The following CRIM1 variants were observed in gnomAD, a reference collection of about 807,000 sequenced individuals.
The protein encoded by CRIM1 is cysteine-rich motor neuron 1 protein.
In CRIM1, 32 loss-of-function variants were observed where a neutral mutation model predicts 116.4. The ratio of observed to expected loss-of-function variants is 0.27; its 90% CI spans 0.21 to 0.37. The LOEUF is 0.37. CRIM1 is among the 10% of genes least tolerant of loss of function. The pLI is 1.00. For synonymous variants in CRIM1, 590 were observed against 509.2 expected (o/e 1.16, Z -2.13); for missense variants, 1,331 against 1,354.8 (o/e 0.98, Z 0.28).
At chr2:36,391,666 C>G (rs1671614708) in intron 1 of CRIM1, among the ~76,000 whole-genome samples, 1 of 152,134 alleles carries the variant, frequency 6.6e-6, no homozygotes, top group Non-Finnish European at 1.5e-5. Flanking sequence ...CAGCAGTTCT[C>G]AAAGTGTGGG....
rs749782754 is a variant in CRIM1, at chr2:36,513,695, G to T, written c.1920G>T (p.Leu640=). Residue 640 remains leucine (L), a synonymous_variant, in exon 11 of 17, where the codon CTG becomes CTT. Coordinates refer to ENST00000280527, the MANE Select transcript of CRIM1 (RefSeq NM_016441.3). ...TCAATGGACGGGAAATGTGTGCCCT[G>T]ATCACCTGCCCGGTGCCTGCCTGTG... ...YCLNGREMCA[L]ITCPVPACGN... 7.7e-5 allele frequency: 124 copies of T among 1,614,108 alleles called. No homozygotes were observed. The highest frequency in any genetic ancestry group is 1.0e-4 in the Non-Finnish European group (119 of 1,180,050).
At chr2:36,432,144 T>G (rs1674942670) in intron 2 of CRIM1, among the ~76,000 whole-genome samples, 1 of 152,238 alleles carries the variant, frequency 6.6e-6, no homozygotes, top group African/African-American at 2.4e-5. Flanking sequence ...TGTCCCATTC[T>G]CTAATAATTT....
intron 7 of CRIM1, among the ~76,000 whole-genome samples, chr2:36,485,816 G>A (rs1211200592): frequency 6.6e-6 from 1 of 152,156 alleles, no homozygotes; most frequent in East Asian, 1.9e-4. Context: ...GCTATTATTA[G>A]TAAGCCAAGA....
intron 14 of CRIM1, among the ~76,000 whole-genome samples, chr2:36,539,275 G>C (rs1295030182): frequency 6.6e-6 from 1 of 152,184 alleles, no homozygotes; most frequent in Admixed American, 6.5e-5. Flanking sequence ...GAACCTCTGG[G>C]TATAGCCAGC....
chr2:36,473,751 A>G (rs945871992), intron 5 of CRIM1, among the ~76,000 whole-genome samples: 1 of 152,094 alleles, frequency 6.6e-6, no homozygotes, highest in Non-Finnish European at 1.5e-5. Flanking sequence ...TAGATATACT[A>G]CTTTTTGTTT....
chr2:36,474,924 T>C (rs754904322), intron 5 of CRIM1, among the ~76,000 whole-genome samples: 56 of 151,744 alleles, frequency 3.7e-4, no homozygotes, highest in Non-Finnish European at 6.6e-4. Flanking sequence ...AATGTGATAG[T>C]TTATTCCTGA....
intron 5 of CRIM1, among the ~76,000 whole-genome samples, chr2:36,473,518 AT>A (rs1002904866): frequency 1.3e-5 from 2 of 152,042 alleles, no homozygotes; most frequent in African/African-American, 4.8e-5. Flanking sequence ...GTCACTGCCC[AT>A]TTTCCCCCTA....
At chr2:36,400,894 C>T (rs1233585880) in intron 2 of CRIM1, among the ~76,000 whole-genome samples, 1 of 152,048 alleles carries the variant, frequency 6.6e-6, no homozygotes, top group East Asian at 1.9e-4. Context: ...GAATCTCTTA[C>T]AGGAAGGTGA....
intron 8 of CRIM1, among the ~76,000 whole-genome samples, chr2:36,506,865 T>C (rs1459074694): frequency 6.7e-6 from 1 of 149,478 alleles, no homozygotes; most frequent in Non-Finnish European, 1.5e-5. Flanking sequence ...TATTTATTTA[T>C]TTTTTTTTTA....
chr2:36,479,358 G>A, intron 6 of CRIM1, 139 bp from the exon 7 acceptor site: 1 of 765,196 alleles, frequency 1.3e-6, no homozygotes, highest in Non-Finnish European at 2.1e-6. Context: ...GACTCCTCAT[G>A]CAACCCTGCG....
At chr2:36,498,342 G>A (rs1358366121) in intron 7 of CRIM1, among the ~76,000 whole-genome samples, 1 of 152,130 alleles carries the variant, frequency 6.6e-6, no homozygotes, top group Admixed American at 6.5e-5. Context: ...AACTAATGCT[G>A]TAACCATGGG....
chr2:36,486,060 T>C (rs1465231413), intron 7 of CRIM1, among the ~76,000 whole-genome samples: 1 of 152,222 alleles, frequency 6.6e-6, no homozygotes, highest in Non-Finnish European at 1.5e-5. Context: ...ATTGTCATAT[T>C]TTGATTTTTC....
At chr2:36,431,588 A>G (rs922278550) in intron 2 of CRIM1, among the ~76,000 whole-genome samples, 14 of 152,212 alleles carry the variant, frequency 9.2e-5, no homozygotes, top group African/African-American at 3.4e-4. Flanking sequence ...ATCACGTAAG[A>G]TCACACTTTC....
At chr2:36,371,061 A>G in intron 1 of CRIM1, among the ~76,000 whole-genome samples, 1 of 152,190 alleles carries the variant, frequency 6.6e-6, no homozygotes, top group Non-Finnish European at 1.5e-5. Context: ...TCTTCTTAAT[A>G]TCTAGTGCAA....
intron 7 of CRIM1, among the ~76,000 whole-genome samples, chr2:36,483,395 ATTG>A (rs1679571568): frequency 6.6e-6 from 1 of 152,176 alleles, no homozygotes; most frequent in Non-Finnish European, 1.5e-5. Context: ...ATTTCATACA[ATTG>A]TTATGTGTCA....
At chr2:36,467,410 A>G (rs1045601766) in intron 5 of CRIM1, among the ~76,000 whole-genome samples, 1 of 152,246 alleles carries the variant, frequency 6.6e-6, no homozygotes, top group Non-Finnish European at 1.5e-5. Flanking sequence ...TGATAGATGA[A>G]TGTGTCTGTG....
intron 5 of CRIM1, among the ~76,000 whole-genome samples, chr2:36,475,800 T>G (rs1678928328): frequency 6.6e-6 from 1 of 152,234 alleles, no homozygotes; most frequent in Admixed American, 6.5e-5. Flanking sequence ...GAATATTAGA[T>G]TCTGTCAGAT....
At chr2:36,368,538 T>G (rs893657640) in intron 1 of CRIM1, among the ~76,000 whole-genome samples, 1 of 152,214 alleles carries the variant, frequency 6.6e-6, no homozygotes, top group African/African-American at 2.4e-5. Context: ...CAGCACGGCT[T>G]CCAGTGTATA....
At chr2:36,417,283 G>T (rs1289221378) in intron 2 of CRIM1, among the ~76,000 whole-genome samples, 1 of 151,960 alleles carries the variant, frequency 6.6e-6, no homozygotes, top group East Asian at 1.9e-4. Flanking sequence ...TTTTCTGTTT[G>T]CCTTTCTTTC....
Sources: allele counts gnomAD v4.1 joint callset (sites outside exome capture counted in the v4.1 genomes callset), GRCh38; gene constraint gnomAD v4.1.1; transcripts MANE v1.5; gene names NCBI Gene and HGNC (gene_info 2026-07-23, HGNC 2026-07-21).